The following PANK3 variants were observed in gnomAD, a reference collection of about 807,000 sequenced individuals.
The protein encoded by PANK3 is hPanK3.
PANK3 carries 20 observed loss-of-function variants against 39.4 expected under a neutral mutation model. That is an observed-to-expected ratio of 0.51 (90% confidence interval 0.36 to 0.74). PANK3 has a LOEUF of 0.74. Ranked by LOEUF, PANK3 falls within the 30% of genes least tolerant of loss-of-function variation. The pLI, the probability that PANK3 is intolerant of heterozygous loss-of-function variation, is 0.00. For synonymous variants in PANK3, 140 were observed against 157.3 expected, an observed-to-expected ratio of 0.89 and a Z score of 0.82; for missense variants, 265 against 437.0, an observed-to-expected ratio of 0.61 and a Z score of 3.51.
At chr5:168,573,478 CAT>C (rs1554126113) in intron 1 of PANK3, among the ~76,000 whole-genome samples, 1 of 84,994 alleles carries the variant, frequency 1.2e-5, no homozygotes, top group Non-Finnish European at 2.3e-5. Context: ...ACAGAAGAGA[CAT>C]AAATTCTCAA....
At chr5:168,563,164 T>A (rs980819858) in intron 4 of PANK3, among the ~76,000 whole-genome samples, 1 of 152,174 alleles carries the variant, frequency 6.6e-6, no homozygotes, top group African/African-American at 2.4e-5. Context: ...TTTATATATT[T>A]GGAATGTAGA....
At chr5:168,573,968 C>A (rs1759690095) in intron 1 of PANK3, among the ~76,000 whole-genome samples, 1 of 151,984 alleles carries the variant, frequency 6.6e-6, no homozygotes. Context: ...AATAATGCTG[C>A]AATAAACATA....
In PANK3 at chr5:168,551,762, A is replaced by C. The variant is rs1174111206; in HGVS notation, c.*5809T>G. On this transcript the variant is annotated 3_prime_UTR_variant, in exon 7 of 7. Coordinates refer to ENST00000239231, the MANE Select transcript of PANK3 (RefSeq NM_024594.4). ...CATTATAGCAATCACATGTACACTC[A>C]AAGGTAAAAGAAAAAAAACCTCAGA... is the stretch of plus-strand genomic sequence containing the variant. 6.6e-6 allele frequency: 1 copy of C among 152,176 alleles called. No individual in the cohort carries two copies. 9.4% of individuals were successfully genotyped at this position (152,176 alleles called of 1,614,324 possible). A position where few individuals can be genotyped will look rare whatever the true frequency, so the allele number is the denominator to read the frequency against.
At chr5:168,575,991 C>T (rs1759725634) in intron 1 of PANK3, among the ~76,000 whole-genome samples, 1 of 152,146 alleles carries the variant, frequency 6.6e-6, no homozygotes, top group Non-Finnish European at 1.5e-5. Flanking sequence ...TTTCACTATT[C>T]TCAATAATCA....
intron 5 of PANK3, chr5:168,561,009 C>A: frequency 2.1e-6 from 1 of 478,332 alleles, no homozygotes; most frequent in Admixed American, 2.1e-5. Context: ...TCAAATGCAA[C>A]ATTAAGCACT....
At chr5:168,562,446 G>A (rs1344701367) in intron 4 of PANK3, among the ~76,000 whole-genome samples, 1 of 152,172 alleles carries the variant, frequency 6.6e-6, no homozygotes, top group Non-Finnish European at 1.5e-5. Context: ...TTTGGTCGGA[G>A]TGAAGCGTCT....
chr5:168,560,339 C>A (rs1311950240), intron 5 of PANK3, among the ~76,000 whole-genome samples: 1 of 151,934 alleles, frequency 6.6e-6, no homozygotes, highest in South Asian at 2.1e-4. Context: ...GCACAGTTTC[C>A]CCCTCACCTC....
At position 168,552,705 on chromosome 5, in the gene PANK3, C is replaced by T. The variant is rs1030020750; in HGVS notation, c.*4866G>A. The T allele has an allele frequency of 2.1e-5, 4 of 194,074 alleles. No homozygotes were observed. Among genetic ancestry groups the T allele is most frequent in the African/African-American group, 9.4e-5 (4 of 42,580 alleles). 12.0% of individuals were successfully genotyped at this position (194,074 alleles called of 1,614,324 possible). ...CAAAGAAACAATCATGAGGACAGAA[C>T]AAAACGCCATGCCTCAAGACCTATC... On this transcript the variant is annotated 3_prime_UTR_variant, in exon 7 of 7. Transcript: ENST00000239231.
At chr5:168,573,241 G>GAA (rs2113031580) in intron 1 of PANK3, among the ~76,000 whole-genome samples, 1 of 151,838 alleles carries the variant, frequency 6.6e-6, no homozygotes, top group East Asian at 1.9e-4. Flanking sequence ...AGCAGGGACT[G>GAA]AAAGAGAACT....
chr5:168,557,719 T>TTA (rs1266421814), intron 6 of PANK3, 98 bp from the exon 7 acceptor site: 2 of 971,720 alleles, frequency 2.1e-6, no homozygotes, highest in Admixed American at 5.6e-5. Context: ...ATCTATTTGT[T>TTA]TAATAATATT....
intron 1 of PANK3, among the ~76,000 whole-genome samples, chr5:168,575,518 G>A (rs1268296990): frequency 1.3e-5 from 2 of 152,158 alleles, no homozygotes; most frequent in African/African-American, 4.8e-5. Context: ...AAGGGATCCT[G>A]GCCAGGAACA....
intron 1 of PANK3, among the ~76,000 whole-genome samples, chr5:168,576,250 C>T (rs562242766): frequency 1.3e-5 from 2 of 152,316 alleles, no homozygotes; most frequent in South Asian, 4.1e-4. Flanking sequence ...ATATGCTATA[C>T]CATTTTCTCT....
chr5:168,561,314 G>C, intron 5 of PANK3, 79 bp downstream of exon 5: 1 of 1,310,550 alleles, frequency 7.6e-7, no homozygotes, highest in Non-Finnish European at 1.0e-6. Context: ...TAGGGAAAGT[G>C]AAGAAGCCCT....
chr5:168,553,520 A>G lies in PANK3; in HGVS notation c.*4051T>C, dbSNP rs158898. 0.37 allele frequency: 127,057 copies of G among 343,292 alleles called. 24,590 individuals are homozygous for G. Among genetic ancestry groups the G allele is most frequent in the South Asian group, 0.47 (19,762 of 42,132 alleles). The allele number at this position is 343,292 out of a possible 1,614,324, so 21.3% of individuals were successfully genotyped here. A position where few individuals can be genotyped will look rare whatever the true frequency, so the allele number is the denominator to read the frequency against. ...ACCATTGGGGAAGATGGCCACAGAC[A>G]AGGGCCAGGGGGACATGAGCAAAAC... On this transcript the variant is annotated 3_prime_UTR_variant, in exon 7 of 7. Transcript: ENST00000239231.
At chr5:168,561,733 C>A (rs1429494494) in intron 4 of PANK3, among the ~76,000 whole-genome samples, 2 of 152,046 alleles carry the variant, frequency 1.3e-5, no homozygotes, top group African/African-American at 4.8e-5. Flanking sequence ...TCAAAAAAAG[C>A]ATAGTTAGTT....
chr5:168,566,928 A>G (rs1470168630), intron 2 of PANK3, among the ~76,000 whole-genome samples: 1 of 152,186 alleles, frequency 6.6e-6, no homozygotes, highest in Non-Finnish European at 1.5e-5. Flanking sequence ...TTTTTAGTAG[A>G]GATGAGGTTT....
At chr5:168,561,583 A>G (rs1483116944) in intron 4 of PANK3, 67 bp from the exon 5 acceptor site, 66 of 1,342,710 alleles carry the variant, frequency 4.9e-5, no homozygotes, top group Middle Eastern at 2.1e-4. Flanking sequence ...ATTAACAGAT[A>G]TATCTACAAC....
At position 168,563,896 on chromosome 5, in the gene PANK3, C is replaced by A. The variant is rs764107598; in HGVS notation, c.805G>T (p.Ala269Ser). The A allele has an allele frequency of 6.2e-7, 1 of 1,605,964 alleles. No individual in the cohort carries two copies. Among genetic ancestry groups the A allele is most frequent in the East Asian group, 2.2e-5 (1 of 44,578 alleles). Residue 269 changes from alanine to serine, a missense_variant, in exon 4 of 7, where the codon GCA (alanine) becomes TCA (serine). Ala to Ser is a moderately conservative substitution (Grantham distance 99, BLOSUM62 1). Coordinates refer to ENST00000239231, the MANE Select transcript of PANK3 (RefSeq NM_024594.4). Reference protein sequence around the residue: ...ERFGLPGWAVASSFGNMIYKE... With the variant: ...ERFGLPGWAVSSSFGNMIYKE... ...CACAAATGTTAAACTTACCTAGATG[C>A]TACAGCCCAACCTGGCAAACCAAAT...
rs1199111740 is a variant in PANK3, at chr5:168,561,377, T to A, written c.936+16A>T. The stretch of plus-strand genomic sequence containing the variant: ...CATTTTTGATAATTCAAGTTTTGTG[T>A]TTTTTGTTTTTTTACCTCATTAACA... On this transcript the variant is annotated intron_variant, in intron 5 of 6. Coordinates refer to ENST00000239231, the MANE Select transcript of PANK3 (RefSeq NM_024594.4). The A allele has an allele frequency of 1.3e-6, 2 of 1,562,228 alleles. No homozygotes were observed. The highest frequency in any genetic ancestry group is 1.7e-6 in the Non-Finnish European group (2 of 1,159,154).
Sources: gnomAD v4.1 joint callset for allele counts (sites outside exome capture counted in the v4.1 genomes callset) on GRCh38, gnomAD v4.1.1 for gene constraint, MANE v1.5 for transcripts, NCBI Gene and HGNC (gene_info 2026-07-23, HGNC 2026-07-21) for gene names.